PTPRD: variants seen among roughly 807,000 people sequenced by gnomAD.
PTPRD encodes protein tyrosine phosphatase receptor type D, also known as receptor-type tyrosine-protein phosphatase delta.
A neutral mutation model predicts 214.5 loss-of-function variants in PTPRD; 34 were observed. The observed-to-expected ratio is 0.16, with a 90% CI of 0.12 to 0.21. The LOEUF is 0.21. Among genes scored for constraint, PTPRD ranks in the 10% least tolerant of loss-of-function variants. PTPRD has a pLI of 1.00. For missense variants in PTPRD, 2,545 were observed against 2,398.7 expected (o/e 1.06, Z -1.27); for synonymous variants, 1,128 against 845.7 (o/e 1.33, Z -5.79).
chr9:9,280,954 A>G (rs1483405052), intron 9 of PTPRD, among the ~76,000 whole-genome samples: 2 of 151,362 alleles, frequency 1.3e-5, no homozygotes. Flanking sequence ...AAGAGAGCCA[A>G]GAAGTAGATC....
intron 3 of PTPRD, among the ~76,000 whole-genome samples, chr9:10,041,140 C>T (rs2097289870): frequency 6.6e-6 from 1 of 151,900 alleles, no homozygotes; most frequent in Admixed American, 6.6e-5. Flanking sequence ...GCACATTATG[C>T]AGTAGTGAAA....
intron 7 of PTPRD, among the ~76,000 whole-genome samples, chr9:9,722,446 A>G (rs1399617078): frequency 6.6e-6 from 1 of 152,082 alleles, no homozygotes; most frequent in African/African-American, 2.4e-5. Flanking sequence ...AATCTATACC[A>G]TATTTAAAAA....
At chr9:10,475,871 C>CAA (rs370859582) in intron 2 of PTPRD, among the ~76,000 whole-genome samples, 1 of 147,722 alleles carries the variant, frequency 6.8e-6, no homozygotes, top group African/African-American at 2.5e-5. Flanking sequence ...GAACCAATGA[C>CAA]AAAAAAAAAC....
At chr9:9,494,898 G>A (rs941367251) in intron 8 of PTPRD, among the ~76,000 whole-genome samples, 2 of 152,138 alleles carry the variant, frequency 1.3e-5, no homozygotes, top group Admixed American at 1.3e-4. Context: ...GATTCACACT[G>A]CCTGATTTAA....
chr9:8,451,872 G>A (rs745948899), intron 33 of PTPRD: 7 of 498,452 alleles, frequency 1.4e-5, no homozygotes, highest in Middle Eastern at 6.4e-4. Context: ...ATATCTATCT[G>A]GGCAAGAAAA....
chr9:8,327,735 A>G (rs116889823), intron 44 of PTPRD, among the ~76,000 whole-genome samples: 2 of 152,288 alleles, frequency 1.3e-5, no homozygotes, highest in Non-Finnish European at 2.9e-5. Context: ...GAGGGTTCAT[A>G]TATATTTAGG....
chr9:8,612,696 C>A lies in PTPRD; in HGVS notation c.352+20621G>T, dbSNP rs75770734. On this transcript the variant is annotated intron_variant, in intron 14 of 45. Transcript: ENST00000381196. Reference sequence around the variant, plus strand: ...ATGCAGTGTTTTGGAGGGATGTTCACTGAGGTGAGAAGAGGATGACAACTT... The same window carrying A: ...ATGCAGTGTTTTGGAGGGATGTTCAATGAGGTGAGAAGAGGATGACAACTT... 7.3e-3 allele frequency among the ~76,000 whole-genome samples: 1,114 copies of A among 152,332 alleles called. 8 individuals are homozygous for A. Among genetic ancestry groups the A allele is most frequent in the Non-Finnish European group, 0.011 (759 of 68,028 alleles).
rs1567098109 is a variant in PTPRD at position 8,934,448 on chromosome 9, AATTTATATATATAT to A, written c.-104+84235_-104+84248del. ...ATATATATATATAAATATATATATAAATTTATATATATATAAATATATATATATAAATATATATA... is the reference window on the plus strand; with the variant it reads ...ATATATATATATAAATATATATATAAAAATATATATATATAAATATATATA... On this transcript the variant is annotated intron_variant, in intron 11 of 45. Coordinates refer to ENST00000381196, the MANE Select transcript of PTPRD (RefSeq NM_002839.4). Among the ~76,000 whole-genome samples the A allele has an allele frequency of 1.4e-3, 21 of 14,598 alleles. 1 individual carries two copies. The highest frequency in any genetic ancestry group is 9.5e-3 in the Admixed American group (10 of 1,052). The allele number at this position is 14,598 out of a possible 152,430, so 9.6% of individuals were successfully genotyped here.
intron 4 of PTPRD, among the ~76,000 whole-genome samples, chr9:10,032,391 C>A (rs1179158036): frequency 6.6e-6 from 1 of 152,160 alleles, no homozygotes; most frequent in Non-Finnish European, 1.5e-5. Flanking sequence ...GCCAAGATAT[C>A]TTTGGAGATA....
chr9:9,435,434 C>G (rs1588348784), intron 8 of PTPRD, among the ~76,000 whole-genome samples: 1 of 151,764 alleles, frequency 6.6e-6, no homozygotes, highest in East Asian at 1.9e-4. Context: ...TCCCTCGAAC[C>G]CAGGAGTTGG....
intron 3 of PTPRD, among the ~76,000 whole-genome samples, chr9:10,209,340 T>C (rs1205880442): frequency 1.3e-5 from 2 of 152,202 alleles, no homozygotes; most frequent in African/African-American, 4.8e-5. Context: ...AAAATTTAAA[T>C]GGCTTCTTAT....
intron 2 of PTPRD, among the ~76,000 whole-genome samples, chr9:10,580,436 A>G (rs942811619): frequency 3.3e-5 from 5 of 152,198 alleles, no homozygotes; most frequent in African/African-American, 1.2e-4. Flanking sequence ...ATGTGAATTC[A>G]ATGATGATTT....
chr9:9,063,144 T>C (rs1191482346), intron 10 of PTPRD, among the ~76,000 whole-genome samples: 1 of 152,134 alleles, frequency 6.6e-6, no homozygotes, highest in African/African-American at 2.4e-5. Flanking sequence ...ACATTTGTCA[T>C]GGCTCTACTT....
intron 10 of PTPRD, among the ~76,000 whole-genome samples, chr9:9,036,306 A>C (rs890569274): frequency 6.6e-6 from 1 of 152,076 alleles, no homozygotes; most frequent in African/African-American, 2.4e-5. Context: ...TTCTAAGTAG[A>C]GGAAGAATTT....
chr9:9,665,311 C>G (rs554617562), intron 7 of PTPRD, among the ~76,000 whole-genome samples: 39 of 151,790 alleles, frequency 2.6e-4, no homozygotes, highest in African/African-American at 9.4e-4. Flanking sequence ...TTAGTATTTT[C>G]ATTTAATCTC....
chr9:9,799,083 T>C (rs1280225762), intron 5 of PTPRD, among the ~76,000 whole-genome samples: 1 of 152,106 alleles, frequency 6.6e-6, no homozygotes, highest in African/African-American at 2.4e-5. Flanking sequence ...TTATATATCT[T>C]ATCTACACAT....
At position 9,510,435 on chromosome 9, in the gene PTPRD, CAT is replaced by C. The variant is rs1437305526; in HGVS notation, c.-237+64295_-237+64296del. Among the ~76,000 whole-genome samples, 4 of 151,576 alleles carry C rather than the reference CAT, an allele frequency of 2.6e-5. No individual in the cohort carries two copies. The East Asian group carries it at 5.8e-4, about 22-fold the overall frequency. ...TTGAATTAAATTGTGATTTACGAAACATAGATTTCTTAATAAGGAAATATTTA... is the reference window on the plus strand; with the variant it reads ...TTGAATTAAATTGTGATTTACGAAACAGATTTCTTAATAAGGAAATATTTA... On this transcript the variant is annotated intron_variant, in intron 8 of 45. Transcript: ENST00000381196.
At chr9:8,894,632 G>A (rs908119790) in intron 11 of PTPRD, among the ~76,000 whole-genome samples, 2 of 152,036 alleles carry the variant, frequency 1.3e-5, no homozygotes, top group African/African-American at 4.8e-5. Context: ...CTTATGAAAA[G>A]TCATTAAACT....
At position 10,340,952 on chromosome 9, in the gene PTPRD, A is replaced by G. The variant is rs1380399333; in HGVS notation, c.-545+11T>C. On this transcript the variant is annotated intron_variant, in intron 3 of 45. Transcript: ENST00000381196. ...CTTATTATCTATTTCTAGTTCACAGATATTACTTACTAGTTGTGTGACTTT... is the reference window on the plus strand; with the variant it reads ...CTTATTATCTATTTCTAGTTCACAGGTATTACTTACTAGTTGTGTGACTTT... 1 of 151,932 alleles carries G rather than the reference A, an allele frequency of 6.6e-6. No individual in the cohort carries two copies. The highest frequency in any genetic ancestry group is 2.4e-5 in the African/African-American group (1 of 41,412). The allele number at this position is 151,932 out of a possible 1,614,324, so 9.4% of individuals were successfully genotyped here.
Sources: allele counts gnomAD v4.1 joint callset (sites outside exome capture counted in the v4.1 genomes callset), GRCh38; gene constraint gnomAD v4.1.1; transcripts MANE v1.5; gene names NCBI Gene and HGNC (gene_info 2026-07-23, HGNC 2026-07-21).